Variants in CASR observed in about 807,000 individuals in gnomAD.
CASR encodes the protein extracellular calcium-sensing receptor.
CASR carries 23 observed loss-of-function variants against 69.1 expected under a neutral mutation model. The ratio of observed to expected loss-of-function variants is 0.33; its 90% CI spans 0.24 to 0.47. The LOEUF (loss-of-function observed/expected upper bound fraction) is 0.47, where lower values mean the gene tolerates loss of function less well. Among genes scored for constraint, CASR ranks in the 20% least tolerant of loss-of-function variants. The pLI, the probability that CASR is intolerant of heterozygous loss-of-function variation, is 1.00. For missense variants in CASR, 924 were observed against 1,356.1 expected (o/e 0.68, Z 5.00); for synonymous variants, 541 against 544.7 (o/e 0.99, Z 0.10).
chr3:122,191,907 T>C (rs1220961265), intron 1 of CASR, among the ~76,000 whole-genome samples: 1 of 152,248 alleles, frequency 6.6e-6, no homozygotes, highest in Non-Finnish European at 1.5e-5. Flanking sequence ...CATTAAGATG[T>C]TGAAGATAAT....
chr3:122,186,050 A>G (rs545077191), intron 1 of CASR, among the ~76,000 whole-genome samples: 3 of 152,282 alleles, frequency 2.0e-5, no homozygotes, highest in Admixed American at 2.0e-4. Flanking sequence ...TAAGTGAAAA[A>G]AAAAAATCAG....
chr3:122,268,363 C>T (rs978789570), intron 4 of CASR, among the ~76,000 whole-genome samples: 4 of 152,140 alleles, frequency 2.6e-5, no homozygotes, highest in Admixed American at 6.5e-5. Context: ...AGTAAAAAAG[C>T]TACATCTGCT....
At chr3:122,269,758 T>C (rs1333704709) in intron 4 of CASR, among the ~76,000 whole-genome samples, 3 of 152,188 alleles carry the variant, frequency 2.0e-5, no homozygotes, top group Non-Finnish European at 4.4e-5. Context: ...TCTGTAAGAC[T>C]TTTGTAGAAT....
At chr3:122,234,251 A>G (rs2074306992) in intron 1 of CASR, among the ~76,000 whole-genome samples, 1 of 152,226 alleles carries the variant, frequency 6.6e-6, no homozygotes, top group African/African-American at 2.4e-5. Flanking sequence ...TAACTACTCA[A>G]ATCTACCCTT....
At chr3:122,198,587 TG>T (rs2073912652) in intron 1 of CASR, among the ~76,000 whole-genome samples, 1 of 152,088 alleles carries the variant, frequency 6.6e-6, no homozygotes, top group African/African-American at 2.4e-5. Flanking sequence ...TTTTATTTTT[TG>T]TTTCTTTTTG....
At chr3:122,269,692 T>C (rs955872234) in intron 4 of CASR, among the ~76,000 whole-genome samples, 20 of 152,340 alleles carry the variant, frequency 1.3e-4, no homozygotes, top group Admixed American at 5.9e-4. Context: ...GGTTTTGGTG[T>C]CTGGGTAATG....
intron 5 of CASR, among the ~76,000 whole-genome samples, chr3:122,278,782 C>T (rs549068726): frequency 3.3e-5 from 5 of 152,252 alleles, no homozygotes; most frequent in South Asian, 2.1e-4. Flanking sequence ...GACCTGAGCG[C>T]GAATCTCAGC....
Position 122,195,589 on chromosome 3 carries a change from G to C in CASR, c.-243+11777G>C, listed in dbSNP as rs548256613. On this transcript the variant is annotated intron_variant, in intron 1 of 6. Coordinates refer to ENST00000639785, the MANE Select transcript of CASR (RefSeq NM_000388.4). ...TATCATTTACTGTTTATTTAGTGTT[G>C]ACAATGCGTTAGGCATTATGCTAAA... is the stretch of plus-strand genomic sequence containing the variant. Among the ~76,000 whole-genome samples the C allele has an allele frequency of 8.5e-5, 13 of 152,294 alleles. 1 individual carries two copies. The South Asian group carries it at 2.7e-3, about 32-fold the overall frequency.
intron 1 of CASR, among the ~76,000 whole-genome samples, chr3:122,225,738 A>G (rs1437142569): frequency 6.6e-6 from 1 of 152,180 alleles, no homozygotes; most frequent in Admixed American, 6.5e-5. Context: ...CACCCAAAAG[A>G]AAATAAATCA....
intron 1 of CASR, among the ~76,000 whole-genome samples, chr3:122,204,666 G>A (rs1235771879): frequency 6.6e-6 from 1 of 152,088 alleles, no homozygotes; most frequent in Admixed American, 6.5e-5. Flanking sequence ...TCTCCATAGT[G>A]GCTGTACTAA....
intron 6 of CASR, among the ~76,000 whole-genome samples, chr3:122,283,242 T>TCCCA (rs1053592248): frequency 6.6e-6 from 1 of 152,214 alleles, no homozygotes; most frequent in African/African-American, 2.4e-5. Context: ...CCCATATGTA[T>TCCCA]CCCACAACAT....
chr3:122,222,919 TCAAA>T (rs2074186032), intron 1 of CASR, among the ~76,000 whole-genome samples: 1 of 151,950 alleles, frequency 6.6e-6, no homozygotes, highest in African/African-American at 2.4e-5. Flanking sequence ...AGAAGATCTG[TCAAA>T]ACCATACAAT....
chr3:122,213,085 G>A (rs1177418127), intron 1 of CASR, among the ~76,000 whole-genome samples: 1 of 152,176 alleles, frequency 6.6e-6, no homozygotes, highest in East Asian at 1.9e-4. Context: ...GATTCTTCTA[G>A]TGGGACATGC....
chr3:122,280,665 T>C (rs1296470550), intron 5 of CASR, among the ~76,000 whole-genome samples: 1 of 152,216 alleles, frequency 6.6e-6, no homozygotes, highest in African/African-American at 2.4e-5. Flanking sequence ...TCCTCATTCA[T>C]TAGAAGATAA....
chr3:122,206,470 A>G (rs1385281188), intron 1 of CASR, among the ~76,000 whole-genome samples: 1 of 151,752 alleles, frequency 6.6e-6, no homozygotes, highest in Non-Finnish European at 1.5e-5. Context: ...TGTTGCATTC[A>G]TTGTGCTAGT....
At chr3:122,204,663 A>G (rs2073988912) in intron 1 of CASR, among the ~76,000 whole-genome samples, 1 of 152,164 alleles carries the variant, frequency 6.6e-6, no homozygotes, top group Non-Finnish European at 1.5e-5. Flanking sequence ...TATTCTCCAT[A>G]GTGGCTGTAC....
intron 2 of CASR, among the ~76,000 whole-genome samples, chr3:122,256,163 C>A (rs538925889): frequency 2.3e-4 from 35 of 152,214 alleles, no homozygotes; most frequent in Non-Finnish European, 4.4e-4. Context: ...GAAATAACCA[C>A]TGTTGTACAC....
chr3:122,250,663 T>A (rs948866693), intron 1 of CASR, among the ~76,000 whole-genome samples: 6 of 152,200 alleles, frequency 3.9e-5, no homozygotes, highest in Non-Finnish European at 8.8e-5. Context: ...ATACATGGAA[T>A]GTTTAAGGGA....
In CASR at chr3:122,284,816, A is replaced by G. The variant is rs778841595; in HGVS notation, c.2862A>G (p.Gln954=). 2 of 1,614,120 alleles carry G rather than the reference A, an allele frequency of 1.2e-6. No individual in the cohort carries two copies. The highest frequency in any genetic ancestry group is 2.2e-5 in the South Asian group (2 of 91,076). The change falls in exon 7 of 7, where the codon CAA becomes CAG. Residue 954 remains glutamine (Q), a synonymous_variant. Coordinates refer to ENST00000639785, the MANE Select transcript of CASR (RefSeq NM_000388.4). The part of the protein sequence containing the change: ...QQQPLTLPQQ[Q]RSQQQPRCKQ... ...AGCCCCTGACCCTCCCACAGCAGCA[A>G]CGATCTCAGCAGCAGCCCAGATGCA... is the stretch of plus-strand genomic sequence containing the variant.
Sources: gnomAD v4.1 joint callset for allele counts (sites outside exome capture counted in the v4.1 genomes callset) on GRCh38, gnomAD v4.1.1 for gene constraint, MANE v1.5 for transcripts, NCBI Gene and HGNC (gene_info 2026-07-23, HGNC 2026-07-21) for gene names.